INO80D: variants seen among roughly 807,000 people sequenced by gnomAD.
INO80D encodes INO80 complex subunit D.
INO80D carries 21 observed loss-of-function variants against 87.6 expected under a neutral mutation model. The observed-to-expected ratio is 0.24, with a 90% CI of 0.17 to 0.35. The LOEUF (loss-of-function observed/expected upper bound fraction) is 0.35. INO80D is among the 10% of genes least tolerant of loss of function. The pLI is 1.00. For synonymous variants in INO80D, 440 were observed against 491.0 expected (o/e 0.90, Z 1.37); for missense variants, 982 against 1,280.7 (o/e 0.77, Z 3.56).
chr2:206,011,811 G>C (rs1433840836), intron 8 of INO80D, among the ~76,000 whole-genome samples: 1 of 152,178 alleles, frequency 6.6e-6, no homozygotes, highest in Non-Finnish European at 1.5e-5. Flanking sequence ...GCCCTTGTGA[G>C]GTTTACATTC....
chr2:206,069,785 C>G (rs1689912019), intron 1 of INO80D, among the ~76,000 whole-genome samples: 1 of 152,162 alleles, frequency 6.6e-6, no homozygotes, highest in Admixed American at 6.6e-5. Flanking sequence ...ACCTACCCAT[C>G]CCTAACTCTC....
chr2:206,017,568 C>G, intron 8 of INO80D, 112 bp downstream of exon 8: 1 of 848,794 alleles, frequency 1.2e-6, no homozygotes. Context: ...AAAATCCTCT[C>G]TCAAAACTTG....
Position 206,001,818 on chromosome 2 carries a change from T to C in INO80D, c.*2550A>G, listed in dbSNP as rs755696304. 3 of 152,232 alleles carry C rather than the reference T, an allele frequency of 2.0e-5. No homozygotes were observed. The highest frequency in any genetic ancestry group is 2.9e-5 in the Non-Finnish European group (2 of 68,046). 9.4% of individuals were successfully genotyped at this position (152,232 alleles called of 1,614,324 possible). On this transcript the variant is annotated 3_prime_UTR_variant, in exon 11 of 11. Transcript: ENST00000403263. ...CAACCACTTTCCTCAGCTTTCATCA[T>C]GGGCATCCAAACGAAAATGTATTTA...
At chr2:206,047,951 C>T (rs529505510) in intron 4 of INO80D, among the ~76,000 whole-genome samples, 5 of 151,228 alleles carry the variant, frequency 3.3e-5, no homozygotes, top group Non-Finnish European at 4.4e-5. Context: ...CCTGGGTTCA[C>T]GCCATTCTCC....
At chr2:206,009,869 C>G (rs1324966362) in intron 8 of INO80D, 75 bp from the exon 9 acceptor site, 15 of 1,213,264 alleles carry the variant, frequency 1.2e-5, no homozygotes, top group Non-Finnish European at 1.7e-5. Flanking sequence ...AAAATACTTA[C>G]ATCCCTTAAT....
At position 206,065,497 on chromosome 2, in the gene INO80D, G is replaced by T. The variant is rs920036861; in HGVS notation, c.-123-2253C>A. On this transcript the variant is annotated intron_variant, in intron 1 of 10. Transcript: ENST00000403263. ...AAAAGAAAAGAAAGAGAGAAAAAAA[G>T]ATCTGAAAAGTACAGACAATAAGGT... is the stretch of plus-strand genomic sequence containing the variant. Among the ~76,000 whole-genome samples, 69 of 151,910 alleles carry T rather than the reference G, an allele frequency of 4.5e-4. 3 individuals are homozygous for T. The highest frequency in any genetic ancestry group is 5.9e-5 in the Non-Finnish European group (4 of 67,948).
intron 1 of INO80D, among the ~76,000 whole-genome samples, chr2:206,066,795 A>G (rs1295507733): frequency 7.1e-6 from 1 of 140,602 alleles, no homozygotes; most frequent in Non-Finnish European, 1.6e-5. Context: ...ACAGAGCAAG[A>G]CTCCATCACA....
chr2:206,014,828 G>T (rs1014125728), intron 8 of INO80D, among the ~76,000 whole-genome samples: 1 of 152,114 alleles, frequency 6.6e-6, no homozygotes, highest in Non-Finnish European at 1.5e-5. Flanking sequence ...AGAAAAATGT[G>T]GGAAAGTTTG....
At chr2:206,078,630 C>G (rs963050152) in intron 1 of INO80D, among the ~76,000 whole-genome samples, 4 of 145,800 alleles carry the variant, frequency 2.7e-5, no homozygotes, top group African/African-American at 1.1e-4. Context: ...GACCCTGTCT[C>G]CATTTAAACA....
intron 6 of INO80D, among the ~76,000 whole-genome samples, chr2:206,021,982 C>A (rs1471065477): frequency 6.6e-6 from 1 of 152,160 alleles, no homozygotes; most frequent in Non-Finnish European, 1.5e-5. Flanking sequence ...GTGTACAATA[C>A]ATTCCCTCAT....
At chr2:206,035,208 C>G (rs1337926760) in intron 5 of INO80D, among the ~76,000 whole-genome samples, 1 of 152,022 alleles carries the variant, frequency 6.6e-6, no homozygotes, top group Non-Finnish European at 1.5e-5. Flanking sequence ...CATCAAAATA[C>G]CACCTCATTC....
chr2:206,053,116 C>CT (rs895921559), intron 4 of INO80D, among the ~76,000 whole-genome samples: 43 of 146,772 alleles, frequency 2.9e-4, no homozygotes, highest in Admixed American at 4.1e-4. Context: ...TATATCAAAA[C>CT]TTTTTTTTTT....
chr2:205,998,832 A>T lies in INO80D; in HGVS notation c.*5536T>A, dbSNP rs1319308035. ...TAGTTTCTTTTAAAACTATTTTCTT[A>T]TTTTAAAAACTGCCCTAATTTCCAC... On this transcript the variant is annotated 3_prime_UTR_variant, in exon 11 of 11. Coordinates refer to ENST00000403263, the MANE Select transcript of INO80D (RefSeq NM_017759.5). 1 of 152,118 alleles carries T rather than the reference A, an allele frequency of 6.6e-6. No individual in the cohort carries two copies. Among genetic ancestry groups the T allele is most frequent in the Non-Finnish European group, 1.5e-5 (1 of 68,024 alleles). The allele number at this position is 152,118 out of a possible 1,614,324, so 9.4% of individuals were successfully genotyped here.
chr2:206,037,841 G>C (rs1688931808), intron 5 of INO80D, among the ~76,000 whole-genome samples: 1 of 152,122 alleles, frequency 6.6e-6, no homozygotes. Flanking sequence ...TCCATCAGTG[G>C]ACAAATGGAT....
In INO80D at chr2:206,014,089, C is replaced by T. The variant is rs185973114; in HGVS notation, c.1542+3591G>A. ...GCAAGAATCACTTGAACCCAGGAGG[C>T]GGAGGTTGCAGTGAGCCAAGATTGC... On this transcript the variant is annotated intron_variant, in intron 8 of 10. Transcript: ENST00000403263. Among the ~76,000 whole-genome samples the T allele has an allele frequency of 3.4e-3, 501 of 146,028 alleles. 3 individuals are homozygous for T. The highest frequency in any genetic ancestry group is 5.3e-3 in the Non-Finnish European group (358 of 67,208).
chr2:206,063,067 A>T, intron 2 of INO80D, 22 bp from the exon 3 acceptor site: 2 of 1,264,164 alleles, frequency 1.6e-6, no homozygotes, highest in Non-Finnish European at 2.3e-6. Context: ...CCACAAAAAA[A>T]GAAACCCAAA....
intron 1 of INO80D, among the ~76,000 whole-genome samples, chr2:206,066,862 A>C (rs182880949): frequency 2.0e-5 from 3 of 152,250 alleles, no homozygotes; most frequent in Admixed American, 1.3e-4. Context: ...ATAGAACTAG[A>C]AGACATTATC....
chr2:206,052,763 G>A (rs1385504629), intron 4 of INO80D, among the ~76,000 whole-genome samples: 1 of 150,910 alleles, frequency 6.6e-6, no homozygotes, highest in African/African-American at 2.4e-5. Flanking sequence ...CTGCACTCTA[G>A]CCTGGGCAAC....
chr2:206,053,225 G>T (rs1247262314), intron 4 of INO80D, among the ~76,000 whole-genome samples: 1 of 151,958 alleles, frequency 6.6e-6, no homozygotes, highest in Non-Finnish European at 1.5e-5. Flanking sequence ...TTACTGCAAG[G>T]CTATATACAT....
Sources: allele counts gnomAD v4.1 joint callset (sites outside exome capture counted in the v4.1 genomes callset), GRCh38; gene constraint gnomAD v4.1.1; transcripts MANE v1.5; gene names NCBI Gene and HGNC (gene_info 2026-07-23, HGNC 2026-07-21).